Variants in IGF2R observed in about 807,000 individuals in gnomAD.
IGF2R encodes the protein insulin like growth factor 2 receptor, also known as cation-independent mannose-6-phosphate receptor.
IGF2R carries 91 observed loss-of-function variants against 270.6 expected under a neutral mutation model. That is an observed-to-expected ratio of 0.34 (90% CI 0.28 to 0.40). The LOEUF (loss-of-function observed/expected upper bound fraction) is 0.40, where lower values mean the gene tolerates loss of function less well. Among genes scored for constraint, IGF2R ranks in the 10% least tolerant of loss-of-function variants. The probability of loss-of-function intolerance (pLI) is 1.00; values close to 1 mark genes in which losing one functional copy is unlikely to be tolerated. For synonymous variants in IGF2R, 1,316 were observed against 1,258.9 expected, an observed-to-expected ratio of 1.05 and a Z score of -0.96; for missense variants, 2,805 against 3,188.3, an observed-to-expected ratio of 0.88 and a Z score of 2.90.
intron 2 of IGF2R, among the ~76,000 whole-genome samples, chr6:160,008,325 A>G (rs8191725): frequency 0.02 from 3,096 of 152,024 alleles, 51 homozygotes; most frequent in Non-Finnish European, 0.035. Flanking sequence ...TCCCTGACCT[A>G]TTACTTCTGT....
rs35060515 is a variant in IGF2R at position 160,073,966 on chromosome 6, T to TC, written c.5163dup (p.Ile1722HisfsTer18). On this transcript the variant is annotated frameshift_variant, in exon 35 of 48. Transcript: ENST00000356956. LOFTEE classifies it high-confidence loss of function. ...CTGTGTGCAAAGTTCCTATTGATGG[T>TC]CCCCCCATAGTAAGTATGACAAATC... 1.9e-6 allele frequency: 3 copies of TC among 1,610,610 alleles called. No homozygotes were observed. Among genetic ancestry groups the TC allele is most frequent in the Non-Finnish European group, 1.7e-6 (2 of 1,177,700 alleles).
At chr6:160,015,526 C>T (rs1191000406) in intron 4 of IGF2R, among the ~76,000 whole-genome samples, 1 of 151,206 alleles carries the variant, frequency 6.6e-6, no homozygotes, top group Non-Finnish European at 1.5e-5. Context: ...GAAACTGTAC[C>T]GCAAAGATGT....
intron 19 of IGF2R, among the ~76,000 whole-genome samples, chr6:160,052,503 AC>A (rs1414262263): frequency 3.3e-5 from 5 of 152,212 alleles, no homozygotes; most frequent in Non-Finnish European, 7.3e-5. Context: ...AAATGGCCAT[AC>A]TGCCCAAAGT....
At chr6:160,099,400 G>T (rs964178482) in intron 45 of IGF2R, among the ~76,000 whole-genome samples, 2 of 151,156 alleles carry the variant, frequency 1.3e-5, no homozygotes, top group African/African-American at 4.9e-5. Flanking sequence ...ACAGAGTCTC[G>T]CTCTCGCCCA....
At chr6:160,002,998 A>G (rs1278150662) in intron 2 of IGF2R, among the ~76,000 whole-genome samples, 1 of 152,222 alleles carries the variant, frequency 6.6e-6, no homozygotes, top group African/African-American at 2.4e-5. Context: ...GTACTCACTA[A>G]GGAACAGTGT....
At chr6:160,070,766 G>C (rs866713152) in intron 31 of IGF2R, among the ~76,000 whole-genome samples, 10 of 152,230 alleles carry the variant, frequency 6.6e-5, no homozygotes, top group African/African-American at 1.9e-4. Flanking sequence ...TGGGTGTCAG[G>C]GTGGCTCGCC....
chr6:160,007,951 A>T (rs1374500689), intron 2 of IGF2R, among the ~76,000 whole-genome samples: 1 of 152,224 alleles, frequency 6.6e-6, no homozygotes, highest in South Asian at 2.1e-4. Flanking sequence ...TGATGTTTAC[A>T]TCTTTAATCC....
intron 3 of IGF2R, 64 bp downstream of exon 3, chr6:160,009,198 T>A: frequency 6.8e-7 from 1 of 1,468,432 alleles, no homozygotes; most frequent in Non-Finnish European, 9.2e-7. Flanking sequence ...CTTGGTGTTC[T>A]GGCTGTAGAG....
At chr6:160,097,253 A>G (rs909797287) in intron 45 of IGF2R, among the ~76,000 whole-genome samples, 1 of 152,174 alleles carries the variant, frequency 6.6e-6, no homozygotes, top group Non-Finnish European at 1.5e-5. Flanking sequence ...GCCACGAATA[A>G]CATGTTGTCA....
intron 31 of IGF2R, among the ~76,000 whole-genome samples, chr6:160,071,452 A>G (rs1005333275): frequency 1.1e-4 from 16 of 152,232 alleles, no homozygotes; most frequent in African/African-American, 3.9e-4. Flanking sequence ...GAGCAGAGTA[A>G]GCCTTGGCTG....
At chr6:160,033,483 C>T (rs532563922) in intron 9 of IGF2R, among the ~76,000 whole-genome samples, 1 of 152,342 alleles carries the variant, frequency 6.6e-6, no homozygotes, top group East Asian at 1.9e-4. Context: ...ACATAACTCC[C>T]TCTCCTTTTC....
At chr6:159,977,625 A>C (rs908516083) in intron 1 of IGF2R, among the ~76,000 whole-genome samples, 2 of 152,144 alleles carry the variant, frequency 1.3e-5, no homozygotes, top group African/African-American at 4.8e-5. Context: ...TTTCCTCCTC[A>C]AGAGGGGTGG....
chr6:160,051,802 T>A (rs13192111), intron 19 of IGF2R, among the ~76,000 whole-genome samples: 16,025 of 151,548 alleles, frequency 0.11, 909 homozygotes, highest in Middle Eastern at 0.21. Flanking sequence ...ACAAAAAATT[T>A]AAAAAAAAAT....
Position 160,059,068 on chromosome 6 carries a change from C to T in IGF2R, c.3061C>T (p.Leu1021=). The stretch of plus-strand genomic sequence containing the variant: ...GCTGTCCACAGAGGGCTTCATCACT[C>T]TGACCTACAAAGGGCCTCTCTCTGC... ...LQLSTEGFIT[L]TYKGPLSAKG... Residue 1021 remains leucine, a synonymous_variant, in exon 22 of 48, where the codon CTG becomes TTG. Coordinates refer to ENST00000356956, the MANE Select transcript of IGF2R (RefSeq NM_000876.4). The T allele has an allele frequency of 6.2e-7, 1 of 1,614,172 alleles. No homozygotes were observed.
chr6:160,058,036 G>A lies in IGF2R; in HGVS notation c.2810G>A (p.Arg937Lys). The A allele has an allele frequency of 6.2e-7, 1 of 1,612,604 alleles. No homozygotes were observed. The highest frequency in any genetic ancestry group is 8.5e-7 in the Non-Finnish European group (1 of 1,178,632). Residue 937 changes from arginine to lysine, a missense_variant, in exon 21 of 48, where the codon AGG becomes AAG. By Grantham distance (26) the Arg-to-Lys change is conservative (BLOSUM62 2). This residue lies in a region of IGF2R where 1,851 missense variants were observed against 2,207.2 expected (regional missense o/e 0.84). Transcript: ENST00000356956. ...TGTTTCCTGTAGGCTTGCTCTATAA[G>A]GGATCCCAACAGTGGATTTGTGTTT... Reference protein sequence around the residue: ...TTDTDQACSIRDPNSGFVFNL... With the variant: ...TTDTDQACSIKDPNSGFVFNL...
chr6:160,078,147 C>A, intron 36 of IGF2R, 54 bp from the exon 37 acceptor site: 2 of 1,581,014 alleles, frequency 1.3e-6, no homozygotes, highest in African/African-American at 1.3e-5. Context: ...TGTGTCACTG[C>A]TATCTATCCC....
intron 16 of IGF2R, 86 bp from the exon 17 acceptor site, chr6:160,047,706 A>G: frequency 1.2e-6 from 1 of 854,310 alleles, no homozygotes; most frequent in East Asian, 2.4e-5. Flanking sequence ...CATTGGGAAC[A>G]TTGCTCTCGT....
chr6:159,996,031 G>C (rs1352385094), intron 2 of IGF2R, among the ~76,000 whole-genome samples: 5 of 149,180 alleles, frequency 3.4e-5, no homozygotes, highest in Non-Finnish European at 7.4e-5. Context: ...TGAATATAAC[G>C]TATGTTGTAT....
In IGF2R at chr6:160,004,671, G is replaced by A. The variant is rs113011207; in HGVS notation, c.290-4339G>A. On this transcript the variant is annotated intron_variant, in intron 2 of 47. Transcript: ENST00000356956. This position sits in a 1 kb window ranked among gnomAD's most constrained non-coding sequence, Gnocchi z 5.2. Reference sequence around the variant, plus strand: ...CCCCGGGGGTGTGGCCAAGTGTGGTGTGTGGAGGGCCCTTGTGTGCAGCCT... The same window carrying A: ...CCCCGGGGGTGTGGCCAAGTGTGGTATGTGGAGGGCCCTTGTGTGCAGCCT... 6.9e-3 allele frequency: 1,057 copies of A among 154,084 alleles called. 9 individuals carry two copies. Among genetic ancestry groups the A allele is most frequent in the African/African-American group, 0.023 (967 of 41,508 alleles). The allele number at this position is 154,084 out of a possible 1,614,324, so 9.5% of individuals were successfully genotyped here.
Sources: allele counts gnomAD v4.1 joint callset (sites outside exome capture counted in the v4.1 genomes callset), GRCh38; gene constraint gnomAD v4.1.1; regional missense constraint gnomAD v4.1.1; non-coding constraint Gnocchi (gnomAD v3.1); transcripts MANE v1.5; gene names NCBI Gene and HGNC (gene_info 2026-07-23, HGNC 2026-07-21).